SESN1: variants seen among roughly 807,000 people sequenced by gnomAD.
The protein encoded by SESN1 is sestrin-1.
Under a neutral mutation model 59.3 loss-of-function variants are expected in SESN1, and 30 were observed. The observed-to-expected ratio is 0.51, with a 90% CI of 0.38 to 0.69. The LOEUF (loss-of-function observed/expected upper bound fraction) is 0.69, where lower values mean the gene tolerates loss of function less well. SESN1 is among the 30% of genes least tolerant of loss of function. The pLI is 0.00. For missense variants in SESN1, 566 were observed against 673.0 expected (o/e 0.84, Z 1.76); for synonymous variants, 197 against 219.9 (o/e 0.90, Z 0.92).
chr6:109,022,620 T>C (rs895482768), intron 1 of SESN1, among the ~76,000 whole-genome samples: 1 of 151,924 alleles, frequency 6.6e-6, no homozygotes, highest in Non-Finnish European at 1.5e-5. Flanking sequence ...GGTTTCACCA[T>C]AGCCAGGATG....
chr6:109,006,469 C>G lies in SESN1; in HGVS notation c.280-4126G>C, dbSNP rs440194. Among the ~76,000 whole-genome samples the G allele has an allele frequency of 3.9e-5, 5 of 129,790 alleles. No homozygotes were observed. The East Asian group carries it at 1.4e-3, about 36-fold the overall frequency. 85.1% of individuals were successfully genotyped at this position (129,790 alleles called of 152,430 possible). A position where few individuals can be genotyped will look rare whatever the true frequency, so the allele number is the denominator to read the frequency against. On this transcript the variant is annotated intron_variant, in intron 1 of 9. Transcript: ENST00000436639. Reference sequence around the variant, plus strand: ...CCCCCACCCCCTACCCCACGACAGGCCCCGGTGTGTGATGTTCCCCACCCT... The same window carrying G: ...CCCCCACCCCCTACCCCACGACAGGGCCCGGTGTGTGATGTTCCCCACCCT...
chr6:108,991,274 C>T (rs1466399129), intron 7 of SESN1, among the ~76,000 whole-genome samples: 1 of 151,968 alleles, frequency 6.6e-6, no homozygotes, highest in African/African-American at 2.4e-5. Flanking sequence ...CAAGGTCTCA[C>T]TATGTTGTCC....
intron 8 of SESN1, among the ~76,000 whole-genome samples, chr6:108,989,477 G>GA: frequency 7.2e-6 from 1 of 139,342 alleles, no homozygotes; most frequent in South Asian, 2.3e-4. Context: ...AGAAATATCT[G>GA]TATATATATC....
At chr6:109,069,743 A>AGG (rs111931081) in intron 1 of SESN1, among the ~76,000 whole-genome samples, 5 of 151,748 alleles carry the variant, frequency 3.3e-5, no homozygotes, top group East Asian at 1.9e-4. Flanking sequence ...AGATGGTGGG[A>AGG]GGGGGGGTCT....
chr6:109,004,073 C>T (rs1779680904), intron 1 of SESN1, among the ~76,000 whole-genome samples: 1 of 151,830 alleles, frequency 6.6e-6, no homozygotes, highest in African/African-American at 2.4e-5. Flanking sequence ...GATCTTGGGA[C>T]AACTGGATAG....
At position 108,987,467 on chromosome 6, in the gene SESN1, C is replaced by T. The variant is rs1779228710; in HGVS notation, c.*77G>A. 1.4e-6 allele frequency: 1 copy of T among 724,028 alleles called. No homozygotes were observed. The highest frequency in any genetic ancestry group is 1.8e-5 in the African/African-American group (1 of 55,116). The allele number at this position is 724,028 out of a possible 1,614,324, so 44.9% of individuals were successfully genotyped here. A position where few individuals can be genotyped will look rare whatever the true frequency, so the allele number is the denominator to read the frequency against. On this transcript the variant is annotated 3_prime_UTR_variant, in exon 10 of 10. Transcript: ENST00000436639. ...CTGAATTATTTTGTCTACCATTGGT[C>T]CTGGGGCTTAGTACCTTCCCCCTTG...
At chr6:109,073,761 T>C (rs1780978843) in intron 1 of SESN1, among the ~76,000 whole-genome samples, 2 of 152,212 alleles carry the variant, frequency 1.3e-5, no homozygotes, top group Admixed American at 6.5e-5. Context: ...AGAAGAGACA[T>C]TTCAGAGAGT....
intron 1 of SESN1, among the ~76,000 whole-genome samples, chr6:109,024,103 T>C (rs1780049988): frequency 6.6e-6 from 1 of 152,096 alleles, no homozygotes. Context: ...AACAATCTCA[T>C]GAATCTAGAA....
At chr6:109,085,515 TCACA>T (rs59793015) in intron 1 of SESN1, among the ~76,000 whole-genome samples, 11,863 of 148,382 alleles carry the variant, frequency 0.08, 604 homozygotes, top group Middle Eastern at 0.19. Flanking sequence ...TGACACTCCG[TCACA>T]CACACACACA....
rs2145763 is a variant in SESN1 at position 108,985,760 on chromosome 6, C to A, written c.*1784G>T. Among the ~76,000 whole-genome samples the A allele has an allele frequency of 0.09, 13,694 of 152,136 alleles. 839 individuals are homozygous for A. Among genetic ancestry groups the A allele is most frequent in the Middle Eastern group, 0.2 (57 of 292 alleles). On this transcript the variant is annotated 3_prime_UTR_variant, in exon 10 of 10. Transcript: ENST00000436639. ...ATGGGATAAGTAAAATTTTAACTAT[C>A]TTCTTGGGTTCAATTGTATTGCTCT...
intron 1 of SESN1, among the ~76,000 whole-genome samples, chr6:109,020,944 C>A (rs968406265): frequency 6.6e-6 from 1 of 152,134 alleles, no homozygotes; most frequent in Non-Finnish European, 1.5e-5. Context: ...TAAAGTAGAA[C>A]AGTTTGCTTT....
At chr6:109,014,356 T>G (rs1779901922) in intron 1 of SESN1, among the ~76,000 whole-genome samples, 1 of 152,208 alleles carries the variant, frequency 6.6e-6, no homozygotes, top group Admixed American at 6.5e-5. Context: ...GTAATTATTT[T>G]TATTTTACAA....
chr6:109,076,411 C>A (rs1024678803), intron 1 of SESN1, among the ~76,000 whole-genome samples: 1 of 152,106 alleles, frequency 6.6e-6, no homozygotes, highest in African/African-American at 2.4e-5. Context: ...AATTTCAATT[C>A]TTTAATGTAA....
intron 1 of SESN1, among the ~76,000 whole-genome samples, chr6:109,025,610 T>A (rs1407505292): frequency 6.7e-6 from 1 of 149,280 alleles, no homozygotes; most frequent in Non-Finnish European, 1.5e-5. Context: ...AAATAGAAAG[T>A]ATGGGTGAGA....
In SESN1 at chr6:109,052,582, G is replaced by C. The variant is rs150405689; in HGVS notation, c.279+41213C>G. Among the ~76,000 whole-genome samples, 90 of 152,230 alleles carry C rather than the reference G, an allele frequency of 5.9e-4. 1 individual carries two copies. The highest frequency in any genetic ancestry group is 1.9e-3 in the African/African-American group (81 of 41,550). On this transcript the variant is annotated intron_variant, in intron 1 of 9. Transcript: ENST00000436639. The stretch of plus-strand genomic sequence containing the variant: ...ATCCTTTCCCAATGTTATTGAAAAT[G>C]AGAGTATTCATTATGTACTTTTTAA...
At chr6:109,076,706 G>A (rs536046893) in intron 1 of SESN1, among the ~76,000 whole-genome samples, 82 of 152,236 alleles carry the variant, frequency 5.4e-4, no homozygotes, top group African/African-American at 1.8e-3. Flanking sequence ...GTTTAGGCAT[G>A]TTTGGGATAG....
chr6:108,990,228 G>A (rs1247941679), intron 8 of SESN1, among the ~76,000 whole-genome samples: 3 of 152,324 alleles, frequency 2.0e-5, no homozygotes, highest in South Asian at 2.1e-4. Flanking sequence ...ATGAGAGCAA[G>A]TACTCCTCAG....
At chr6:109,016,721 TTC>T (rs1779933598) in intron 1 of SESN1, among the ~76,000 whole-genome samples, 1 of 152,180 alleles carries the variant, frequency 6.6e-6, no homozygotes, top group Admixed American at 6.5e-5. Flanking sequence ...CATTCTAGCT[TTC>T]TGTTTTGCCA....
In SESN1 at chr6:109,094,106, C is replaced by A; in HGVS notation, c.-33G>T. The A allele has an allele frequency of 6.4e-7, 1 of 1,567,150 alleles. No homozygotes were observed. The highest frequency in any genetic ancestry group is 8.6e-7 in the Non-Finnish European group (1 of 1,157,950). On this transcript the variant is annotated 5_prime_UTR_variant, in exon 1 of 10. Transcript: ENST00000436639. Reference sequence around the variant, plus strand: ...GTTTTTCCTTTGCGGTCTTCAGTTACCTTTCAGCATGCCCCAAAAAAATTG... The same window carrying A: ...GTTTTTCCTTTGCGGTCTTCAGTTAACTTTCAGCATGCCCCAAAAAAATTG...
Sources: allele counts gnomAD v4.1 joint callset (sites outside exome capture counted in the v4.1 genomes callset), GRCh38; gene constraint gnomAD v4.1.1; transcripts MANE v1.5; gene names NCBI Gene and HGNC (gene_info 2026-07-23, HGNC 2026-07-21).